Variants in CHRNB4 observed in about 807,000 individuals in gnomAD.
The protein encoded by CHRNB4 is cholinergic receptor nicotinic beta 4 subunit.
CHRNB4 carries 23 observed loss-of-function variants against 40.4 expected under a neutral mutation model. That is an observed-to-expected ratio of 0.57 (90% CI 0.41 to 0.81). The LOEUF (loss-of-function observed/expected upper bound fraction) is 0.81. Among genes scored for constraint, CHRNB4 ranks in the 30% least tolerant of loss-of-function variants. The pLI is 0.00. For synonymous variants in CHRNB4, 285 were observed against 274.4 expected (o/e 1.04, Z -0.38); for missense variants, 568 against 670.6 (o/e 0.85, Z 1.69).
upstream of CHRNB4, chr15:78,661,039 G>A (rs146417592): frequency 1.9e-4 from 107 of 576,522 alleles, 1 homozygote; most frequent in African/African-American, 2.0e-3. Context: ...TAGGCGCCAG[G>A]GTTAGTTTTT....
intron 7 of CHRNB4, among the ~76,000 whole-genome samples, chr15:78,647,884 A>AGTGG (rs2054139489): frequency 6.7e-6 from 1 of 149,800 alleles, no homozygotes; most frequent in Non-Finnish European, 1.5e-5. Context: ...AAAAAAAAAA[A>AGTGG]AGAGATTCTA....
chr15:78,660,879 G>C, upstream of CHRNB4: 2 of 365,424 alleles, frequency 5.5e-6, no homozygotes, highest in Admixed American at 3.7e-5. Context: ...GGTGAGTCTT[G>C]GGATCCTGGC....
chr15:78,648,106 T>C (rs930848607), intron 7 of CHRNB4, among the ~76,000 whole-genome samples: 5 of 149,188 alleles, frequency 3.4e-5, no homozygotes, highest in Non-Finnish European at 6.0e-5. Context: ...GGCGTGGGGG[T>C]GGTAGGGCCG....
chr15:78,656,380 T>C (rs1297939460), exon 4 of CHRNB4: 1 of 147,696 alleles, frequency 6.8e-6, no homozygotes, highest in African/African-American at 2.5e-5. Flanking sequence ...ATTGATAGCA[T>C]AGTAGGGTGA....
intron 6 of CHRNB4, chr15:78,649,516 C>A: frequency 5.0e-6 from 2 of 398,288 alleles, no homozygotes; most frequent in Non-Finnish European, 5.0e-6. Flanking sequence ...GCAAAGACTG[C>A]AACAGAGACC....
intron 5 of CHRNB4, 142 bp from the exon 6 acceptor site, chr15:78,625,433 C>G: frequency 1.4e-6 from 1 of 727,962 alleles, no homozygotes. Context: ...TTCTGAGTCC[C>G]AGGCTGGCCT....
At chr15:78,656,543 C>T (rs1419671858) in exon 4 of CHRNB4, 3 of 150,892 alleles carry the variant, frequency 2.0e-5, no homozygotes, top group Non-Finnish European at 1.5e-5. Context: ...AATAAAGTAA[C>T]ACAAAGCAAA....
rs114573541 is a variant in CHRNB4, at chr15:78,638,591, G to A, written c.55+2488C>T. On this transcript the variant is annotated intron_variant, in intron 1 of 5. Coordinates refer to ENST00000261751, the MANE Select transcript of CHRNB4 (RefSeq NM_000750.5). The stretch of plus-strand genomic sequence containing the variant: ...CCGGGCAGTGTGTGCCCATGACTGC[G>A]CCTGTGTTTGTACTTGTGAGTGTAT... Among the ~76,000 whole-genome samples, 883 of 151,270 alleles carry A rather than the reference G, an allele frequency of 5.8e-3. 17 individuals are homozygous for A. Among genetic ancestry groups the A allele is most frequent in the African/African-American group, 0.02 (834 of 41,096 alleles).
chr15:78,654,091 G>T (rs2141410618), intron 5 of CHRNB4, among the ~76,000 whole-genome samples: 1 of 152,264 alleles, frequency 6.6e-6, no homozygotes, highest in East Asian at 1.9e-4. Context: ...ATAGCATAAA[G>T]ACCCAGATCT....
rs1309982120 is a variant in CHRNB4 at position 78,629,030 on chromosome 15, C to T, written c.1275G>A (p.Gln425=). The change falls in exon 5 of 6, where the codon CAG becomes CAA. Residue 425 remains glutamine (Q), a synonymous_variant. Transcript: ENST00000261751. The surrounding 1 kb of genome is among the most constrained non-coding windows in gnomAD (Gnocchi z 6.8). ...RSSGRFRQDV[Q]EALEGVSFIA... is the part of the protein sequence containing the mutation. ...TGAAGCTGACACCTTCTAATGCCTCCTGCACATCCTGTCGGAACCTCCCAG... is the reference window on the plus strand; with the variant it reads ...TGAAGCTGACACCTTCTAATGCCTCTTGCACATCCTGTCGGAACCTCCCAG... The T allele has an allele frequency of 6.2e-7, 1 of 1,614,150 alleles. No homozygotes were observed. Among genetic ancestry groups the T allele is most frequent in the South Asian group, 1.1e-5 (1 of 91,076 alleles).
intron 1 of CHRNB4, among the ~76,000 whole-genome samples, chr15:78,638,718 GAGCCC>G (rs1177307393): frequency 5.9e-5 from 9 of 152,342 alleles, no homozygotes; most frequent in African/African-American, 1.2e-4. Flanking sequence ...AGGGGCGACG[GAGCCC>G]AGCCCAGCCC....
intron 1 of CHRNB4, among the ~76,000 whole-genome samples, chr15:78,637,437 A>G (rs1478292207): frequency 6.6e-6 from 1 of 151,960 alleles, no homozygotes; most frequent in African/African-American, 2.4e-5. Flanking sequence ...GAATGAGCAG[A>G]AGAAACAGTG....
chr15:78,625,481 C>T (rs1258956912), intron 5 of CHRNB4, among the ~76,000 whole-genome samples, 190 bp from the exon 6 acceptor site: 2 of 152,180 alleles, frequency 1.3e-5, no homozygotes, highest in African/African-American at 2.4e-5. Context: ...GGCTGTTCTC[C>T]ACCTCCACCC....
At chr15:78,634,816 G>T in intron 2 of CHRNB4, 1 of 455,652 alleles carries the variant, frequency 2.2e-6, no homozygotes, top group South Asian at 1.5e-5. Context: ...GCAGCAAAGA[G>T]AAGAGAAATT....
intron 6 of CHRNB4, among the ~76,000 whole-genome samples, chr15:78,651,567 C>T (rs2054172700): frequency 1.3e-5 from 2 of 152,222 alleles, no homozygotes; most frequent in South Asian, 2.1e-4. Flanking sequence ...TCAGATTGAC[C>T]GAGAAGTGGA....
upstream of CHRNB4, chr15:78,661,429 G>A (rs934744414): frequency 9.7e-6 from 5 of 517,090 alleles, no homozygotes; most frequent in African/African-American, 9.7e-5. Context: ...GAGCAACAGA[G>A]TGACCGGTTG....
Position 78,636,184 on chromosome 15 carries a change from G to A in CHRNB4, c.56-597C>T, listed in dbSNP as rs370651389. ...GGCCACTCAAAGTGCTGGGATTACA[G>A]GTGTGAGCCACCATTCCCGGTCCTA... On this transcript the variant is annotated intron_variant, in intron 1 of 5. Transcript: ENST00000261751. 4.6e-5 allele frequency among the ~76,000 whole-genome samples: 7 copies of A among 152,264 alleles called. No individual in the cohort carries two copies. The East Asian group carries it at 7.7e-4, about 17-fold the overall frequency.
upstream of CHRNB4, among the ~76,000 whole-genome samples, chr15:78,645,050 T>A (rs1596121219): frequency 6.6e-6 from 1 of 151,402 alleles, no homozygotes; most frequent in African/African-American, 2.4e-5. Context: ...AGTAAGGGAC[T>A]CACCTGCAAA....
In CHRNB4 at chr15:78,635,737, G is replaced by A; in HGVS notation, c.56-150C>T. Reference sequence around the variant, plus strand: ...GCTGGCAGGCCTGTCTCTCCTTGAGGACTTCAAATTAAATACACTCAACAC... The same window carrying A: ...GCTGGCAGGCCTGTCTCTCCTTGAGAACTTCAAATTAAATACACTCAACAC... On this transcript the variant is annotated intron_variant, in intron 1 of 5. Transcript: ENST00000261751. 4.1e-6 allele frequency: 4 copies of A among 968,416 alleles called. No individual in the cohort carries two copies. The South Asian group carries it at 4.6e-5, about 11-fold the overall frequency. 60.0% of individuals were successfully genotyped at this position (968,416 alleles called of 1,614,324 possible).
Sources: allele counts gnomAD v4.1 joint callset (sites outside exome capture counted in the v4.1 genomes callset), GRCh38; gene constraint gnomAD v4.1.1; non-coding constraint Gnocchi (gnomAD v3.1); transcripts MANE v1.5; gene names NCBI Gene and HGNC (gene_info 2026-07-23, HGNC 2026-07-21).